The following EFCAB12 variants were observed in gnomAD, a reference collection of about 807,000 sequenced individuals.
The protein encoded by EFCAB12 is EF-hand calcium-binding domain-containing protein 12.
Under a neutral mutation model 53.6 loss-of-function variants are expected in EFCAB12, and 43 were observed. That is an observed-to-expected ratio of 0.80 (90% confidence interval 0.63 to 1.03). The LOEUF is 1.03. Among genes scored for constraint, EFCAB12 ranks in the 50% least tolerant of loss-of-function variants. The probability of loss-of-function intolerance (pLI) is 0.00; values close to 1 mark genes in which losing one functional copy is unlikely to be tolerated. For synonymous variants in EFCAB12, 269 were observed against 289.2 expected, an observed-to-expected ratio of 0.93 and a Z score of 0.71; for missense variants, 646 against 730.6, an observed-to-expected ratio of 0.88 and a Z score of 1.34.
chr3:129,421,732 A>G lies in EFCAB12; in HGVS notation c.121T>C (p.Cys41Arg). 1 of 1,613,918 alleles carries G rather than the reference A, an allele frequency of 6.2e-7. No homozygotes were observed. The highest frequency in any genetic ancestry group is 8.5e-7 in the Non-Finnish European group (1 of 1,179,878). The change falls in exon 2 of 9, where the codon TGC becomes CGC. Residue 41 changes from cysteine (C) to arginine (R), a missense_variant. Physicochemically the swap from Cys to Arg is radical, Grantham distance 180 (BLOSUM62 -3). Coordinates refer to ENST00000505956, the MANE Select transcript of EFCAB12 (RefSeq NM_207307.3). ...VFDPEPVIAH[C>R]FKQFQQKDFR... The stretch of plus-strand genomic sequence containing the variant: ...TCCTTCTGCTGGAACTGCTTGAAGC[A>G]GTGGGCAATGACCGGTTCAGGATCA...
chr3:129,419,632 G>A (rs928082745), intron 2 of EFCAB12, among the ~76,000 whole-genome samples: 1 of 152,212 alleles, frequency 6.6e-6, no homozygotes, highest in Non-Finnish European at 1.5e-5. Flanking sequence ...ACTGTGTTAG[G>A]ATGCAGCACG....
rs1189733152 is a variant in EFCAB12 at position 129,412,469 on chromosome 3, GATA to G, written c.839-1118_839-1116del. The stretch of plus-strand genomic sequence containing the variant: ...AGATAGATAGATAGATAGATAGATA[GATA>G]GATAGACAGACTGACCGACCGACCA... On this transcript the variant is annotated intron_variant, in intron 4 of 8. Coordinates refer to ENST00000505956, the MANE Select transcript of EFCAB12 (RefSeq NM_207307.3). The G allele has an allele frequency of 6.6e-5, 10 of 152,096 alleles. No individual in the cohort carries two copies. The East Asian group carries it at 1.9e-3, about 29-fold the overall frequency. The allele number at this position is 152,096 out of a possible 1,614,324, so 9.4% of individuals were successfully genotyped here.
intron 1 of EFCAB12, among the ~76,000 whole-genome samples, chr3:129,422,440 T>C (rs2072200508): frequency 6.6e-6 from 1 of 152,134 alleles, no homozygotes; most frequent in Non-Finnish European, 1.5e-5. Context: ...TGTCAACCTG[T>C]CCCCCTAATC....
In EFCAB12 at chr3:129,404,271, C is replaced by T. The variant is rs181506864; in HGVS notation, c.1382G>A (p.Gly461Asp). 6.2e-7 allele frequency: 1 copy of T among 1,613,548 alleles called. No individual in the cohort carries two copies. Among genetic ancestry groups the T allele is most frequent in the Admixed American group, 1.7e-5 (1 of 59,978 alleles). ...NLALLRSQGP[G>D]KSKRTDKKTP... ...CAGCTTGTCAGTCCTCTTAGACTTG[C>T]CAGGGCCCTGGGACCGGAGCAGAGC... Residue 461 changes from glycine (G) to aspartate (D), a missense_variant, in exon 7 of 9, where the codon GGC becomes GAC. Gly to Asp is a moderately conservative substitution (Grantham distance 94). Transcript: ENST00000505956.
At chr3:129,419,419 A>G (rs2107741144) in intron 2 of EFCAB12, among the ~76,000 whole-genome samples, 1 of 152,336 alleles carries the variant, frequency 6.6e-6, no homozygotes, top group East Asian at 1.9e-4. Flanking sequence ...ACATAATGGT[A>G]TTAACAGGTG....
chr3:129,417,336 A>AAC (rs2072129178), intron 3 of EFCAB12, among the ~76,000 whole-genome samples: 1 of 135,186 alleles, frequency 7.4e-6, no homozygotes, highest in African/African-American at 3.0e-5. Flanking sequence ...AAAAAAAAAA[A>AAC]AAACCAAAAA....
At chr3:129,406,587 C>T (rs1010891137) in intron 6 of EFCAB12, among the ~76,000 whole-genome samples, 50 of 152,052 alleles carry the variant, frequency 3.3e-4, no homozygotes, top group African/African-American at 1.1e-3. Flanking sequence ...GCTGCAACTT[C>T]GACCTCCCAG....
chr3:129,409,553 G>A (rs1479845042), intron 5 of EFCAB12, among the ~76,000 whole-genome samples: 1 of 152,186 alleles, frequency 6.6e-6, no homozygotes, highest in Non-Finnish European at 1.5e-5. Flanking sequence ...GGCTGGCGGA[G>A]CAGGTAGCTG....
intron 2 of EFCAB12, 148 bp downstream of exon 2, chr3:129,421,219 G>T: frequency 1.2e-6 from 1 of 857,616 alleles, no homozygotes; most frequent in South Asian, 2.3e-5. Context: ...TAGATAACTA[G>T]ACAACTAATA....
At position 129,418,350 on chromosome 3, in the gene EFCAB12, A is replaced by G. The variant is rs771712939; in HGVS notation, c.585T>C (p.His195=). 6.8e-6 allele frequency: 11 copies of G among 1,613,888 alleles called. No homozygotes were observed. Among genetic ancestry groups the G allele is most frequent in the Non-Finnish European group, 9.3e-6 (11 of 1,179,828 alleles). ...PALSVMYSYL[H]SRKIKILEIF... is the part of the protein sequence containing the mutation. ...TCTCCAGGATCTTGATCTTGCGGCT[A>G]TGCAGGTAGGAGTACATGACCGACA... Residue 195 remains histidine, a synonymous_variant, in exon 3 of 9, where the codon CAT becomes CAC. Coordinates refer to ENST00000505956, the MANE Select transcript of EFCAB12 (RefSeq NM_207307.3).
intron 1 of EFCAB12, among the ~76,000 whole-genome samples, chr3:129,423,840 C>T (rs543355506): frequency 4.6e-5 from 7 of 152,110 alleles, no homozygotes; most frequent in Non-Finnish European, 7.4e-5. Context: ...CCTTCCCTTA[C>T]GTTTGTATCC....
chr3:129,415,540 C>T (rs1462629167), intron 3 of EFCAB12, 139 bp from the exon 4 acceptor site: 1 of 1,069,522 alleles, frequency 9.3e-7, no homozygotes, highest in African/African-American at 1.6e-5. Flanking sequence ...TACCCAAGGT[C>T]CCTGCTGCAG....
Position 129,417,329 on chromosome 3 carries a change from A to C in EFCAB12, c.681+925T>G, listed in dbSNP as rs1291650395. Among the ~76,000 whole-genome samples, 6 of 135,900 alleles carry C rather than the reference A, an allele frequency of 4.4e-5. No individual in the cohort carries two copies. The South Asian group carries it at 7.1e-4, about 16-fold the overall frequency. The allele number at this position is 135,900 out of a possible 152,430, so 89.2% of individuals were successfully genotyped here. A position where few individuals can be genotyped will look rare whatever the true frequency, so the allele number is the denominator to read the frequency against. On this transcript the variant is annotated intron_variant, in intron 3 of 8. Transcript: ENST00000505956. ...ACAGAGTGAGACTCTGCCTCAAAAA[A>C]AAAAAAAAAACCAAAAAAAAAAAAC...
At chr3:129,408,908 C>A in intron 5 of EFCAB12, 50 bp from the exon 6 acceptor site, 2 of 1,537,954 alleles carry the variant, frequency 1.3e-6, no homozygotes, top group Middle Eastern at 2.3e-4. Flanking sequence ...TGTGTCCCTC[C>A]TCCTGGCCAG....
At chr3:129,421,919 G>A (rs771246358) in intron 1 of EFCAB12, 116 bp from the exon 2 acceptor site, 7 of 1,020,498 alleles carry the variant, frequency 6.9e-6, no homozygotes, top group Admixed American at 5.8e-5. Context: ...CCCAGGCCAG[G>A]CTTTATCATT....
chr3:129,412,338 C>T (rs2107738282), intron 4 of EFCAB12: 1 of 152,282 alleles, frequency 6.6e-6, no homozygotes, highest in Non-Finnish European at 1.5e-5. Flanking sequence ...GCTATGATCA[C>T]ACCTGTGAAT....
intron 1 of EFCAB12, among the ~76,000 whole-genome samples, chr3:129,426,349 GTTTTTTTTTGT>G (rs1559793983): frequency 9.4e-6 from 1 of 106,890 alleles, no homozygotes; most frequent in Non-Finnish European, 1.8e-5. Context: ...GGCTTACAGG[GTTTTTTTTTGT>G]TTTTTTTTTT....
chr3:129,402,375 T>C, intron 8 of EFCAB12, 148 bp downstream of exon 8: 1 of 862,026 alleles, frequency 1.2e-6, no homozygotes, highest in East Asian at 2.7e-5. Context: ...CAATGCCTCC[T>C]GGCCCTCTCT....
rs1171276318 is a variant in EFCAB12 at position 129,426,845 on chromosome 3, C to CTTT, written c.49+1592_49+1594dup. 1.1e-4 allele frequency among the ~76,000 whole-genome samples: 12 copies of CTTT among 105,044 alleles called. 1 individual carries two copies. The highest frequency in any genetic ancestry group is 3.1e-4 in the East Asian group (1 of 3,184). 68.9% of individuals were successfully genotyped at this position (105,044 alleles called of 152,430 possible). On this transcript the variant is annotated intron_variant, in intron 1 of 8. Transcript: ENST00000505956. ...GTGCATGCCATTAAGCCTAGCTAAC[C>CTTT]TTTTTTTTTTTTTTTTTTTTGAGAT...
Sources: gnomAD v4.1 joint callset for allele counts (sites outside exome capture counted in the v4.1 genomes callset) on GRCh38, gnomAD v4.1.1 for gene constraint, MANE v1.5 for transcripts, NCBI Gene and HGNC (gene_info 2026-07-23, HGNC 2026-07-21) for gene names.